The following UACA variants were observed in gnomAD, a reference collection of about 807,000 sequenced individuals.
UACA encodes nuclear membrane binding protein.
Under a neutral mutation model 160.5 loss-of-function variants are expected in UACA, and 112 were observed. The ratio of observed to expected loss-of-function variants is 0.70; its 90% CI spans 0.60 to 0.82. The LOEUF (loss-of-function observed/expected upper bound fraction) is 0.82, where lower values mean the gene tolerates loss of function less well. Among genes scored for constraint, UACA ranks in the 40% least tolerant of loss-of-function variants. The probability of loss-of-function intolerance (pLI) is 0.00; values close to 1 mark genes in which losing one functional copy is unlikely to be tolerated. For missense variants in UACA, 1,574 were observed against 1,614.6 expected (o/e 0.97, Z 0.43); for synonymous variants, 557 against 568.4 (o/e 0.98, Z 0.29).
At chr15:70,766,780 T>G (rs34212834), upstream of UACA, among the ~76,000 whole-genome samples, 3 of 152,178 alleles carry the variant, frequency 2.0e-5, no homozygotes, top group African/African-American at 7.2e-5. Flanking sequence ...TGAGTATCCA[T>G]TCAATGAATA....
chr15:70,680,546 C>G (rs1442270409), intron 9 of UACA, among the ~76,000 whole-genome samples: 3 of 152,106 alleles, frequency 2.0e-5, no homozygotes, highest in Non-Finnish European at 4.4e-5. Flanking sequence ...TATTCTATAT[C>G]CACAATTTGG....
At chr15:70,724,856 T>TC (rs1288531264) in intron 1 of UACA, among the ~76,000 whole-genome samples, 1 of 151,878 alleles carries the variant, frequency 6.6e-6, no homozygotes, top group Non-Finnish European at 1.5e-5. Context: ...GTTACAAAGT[T>TC]TGCAATACTC....
rs868344716 is a variant in UACA at position 70,660,204 on chromosome 15, G to C, written c.4126C>G (p.Gln1376Glu). 1 of 1,613,418 alleles carries C rather than the reference G, an allele frequency of 6.2e-7. No individual in the cohort carries two copies. The highest frequency in any genetic ancestry group is 8.5e-7 in the Non-Finnish European group (1 of 1,179,552). ...LEQQLADADRQHQEVIAIYRT... is the reference protein window; with the variant it reads ...LEQQLADADREHQEVIAIYRT... ...TAAATTGCAATTACTTCTTGGTGCT[G>C]TCTGTCAGCATCCTAGAAATGTGGA... The change falls in exon 18 of 19, where the codon CAG (glutamine) becomes GAG (glutamate). Residue 1376 changes from glutamine (Q) to glutamate (E), a missense_variant. Coordinates refer to ENST00000322954, the MANE Select transcript of UACA (RefSeq NM_018003.4).
chr15:70,663,969 T>C (rs62016908), intron 17 of UACA, among the ~76,000 whole-genome samples: 19,821 of 152,098 alleles, frequency 0.13, 1,520 homozygotes, highest in African/African-American at 0.21. Context: ...TGTATACATA[T>C]GTAACAAACC....
chr15:70,692,456 C>A (rs1595892250), intron 3 of UACA, among the ~76,000 whole-genome samples: 1 of 152,174 alleles, frequency 6.6e-6, no homozygotes. Flanking sequence ...AGACATCACA[C>A]CTGGCCACAA....
intron 12 of UACA, 95 bp from the exon 13 acceptor site, chr15:70,676,686 GGACTGGAGT>G (rs1415689080): frequency 1.0e-6 from 1 of 964,150 alleles, no homozygotes. Context: ...ATTGCATTGA[GGACTGGAGT>G]TAATGAATTC....
At chr15:70,760,574 C>T (rs889500711) in intron 1 of UACA, among the ~76,000 whole-genome samples, 6 of 151,858 alleles carry the variant, frequency 4.0e-5, no homozygotes, top group African/African-American at 7.3e-5. Context: ...TTTGGGAGGC[C>T]GAGGCGGGTG....
intron 1 of UACA, among the ~76,000 whole-genome samples, chr15:70,719,673 T>C (rs1246779767): frequency 6.6e-6 from 1 of 152,170 alleles, no homozygotes; most frequent in Non-Finnish European, 1.5e-5. Flanking sequence ...GAGAAAGGTG[T>C]TCAACCCTTA....
chr15:70,665,250 T>C (rs990761904), intron 16 of UACA, among the ~76,000 whole-genome samples: 9 of 151,942 alleles, frequency 5.9e-5, no homozygotes, highest in African/African-American at 1.2e-4. Flanking sequence ...CTTTCAAGAG[T>C]TGTATTATTT....
chr15:70,763,942 C>G (rs1178892353), upstream of UACA, among the ~76,000 whole-genome samples: 1 of 152,224 alleles, frequency 6.6e-6, no homozygotes, highest in African/African-American at 2.4e-5. Flanking sequence ...AGAAATGACT[C>G]TTGGTTACCT....
At position 70,669,033 on chromosome 15, in the gene UACA, C is replaced by T. The variant is rs375230873; in HGVS notation, c.1651G>A (p.Val551Ile). 1.2e-6 allele frequency: 2 copies of T among 1,613,840 alleles called. No individual in the cohort carries two copies. The highest frequency in any genetic ancestry group is 2.7e-5 in the African/African-American group (2 of 74,916). ...TCTGCTGAAGCACCTTCATATTTTA[C>T]TTTCAAGTCTTTCAACTGATCCTTC... ...ELKDQLKDLK[V>I]KYEGASAEVG... Residue 551 changes from valine (V) to isoleucine (I), a missense_variant, in exon 16 of 19, where the codon GTA becomes ATA. Val to Ile is a conservative substitution (Grantham distance 29, BLOSUM62 3). Transcript: ENST00000322954.
At chr15:70,658,478 C>T (rs1198781186) in intron 18 of UACA, among the ~76,000 whole-genome samples, 2 of 152,170 alleles carry the variant, frequency 1.3e-5, no homozygotes, top group East Asian at 3.8e-4. Context: ...TACACTCTGG[C>T]TAACACGATA....
chr15:70,726,263 A>G (rs1199831689), intron 1 of UACA, among the ~76,000 whole-genome samples: 1 of 152,180 alleles, frequency 6.6e-6, no homozygotes, highest in African/African-American at 2.4e-5. Context: ...TTAAATAAGC[A>G]TAAGGTAAAT....
intron 1 of UACA, among the ~76,000 whole-genome samples, chr15:70,757,171 T>C (rs2141016935): frequency 6.6e-6 from 1 of 152,328 alleles, no homozygotes; most frequent in South Asian, 2.1e-4. Context: ...CATTTTTCCA[T>C]AGATTTCCAC....
rs757072272 is a variant in UACA at position 70,669,336 on chromosome 15, G to T, written c.1348C>A (p.Arg450=). 3.1e-6 allele frequency: 5 copies of T among 1,613,950 alleles called. No individual in the cohort carries two copies. Among genetic ancestry groups the T allele is most frequent in the Admixed American group, 1.7e-5 (1 of 59,996 alleles). ...EILKKELEAM[R]TFCESAKQDR... ...TGTTTTGCTGACTCACAGAAAGTTC[G>T]CATTGCTTCTAACTCTTTCTTTAAA... Residue 450 remains arginine (R), a synonymous_variant, in exon 16 of 19, where the codon CGA becomes AGA. Coordinates refer to ENST00000322954, the MANE Select transcript of UACA (RefSeq NM_018003.4).
At chr15:70,774,338 C>T in the UACA span, among the ~76,000 whole-genome samples, 2 of 151,768 alleles carry the variant, frequency 1.3e-5, no homozygotes, top group Non-Finnish European at 2.9e-5. Context: ...CGAGGTCAGG[C>T]GATCGAGACC....
At chr15:70,736,205 A>C (rs1473791065) in intron 1 of UACA, among the ~76,000 whole-genome samples, 2 of 152,216 alleles carry the variant, frequency 1.3e-5, no homozygotes, top group Non-Finnish European at 2.9e-5. Context: ...ACTTAAAAAC[A>C]AGTTTGAATG....
intron 1 of UACA, among the ~76,000 whole-genome samples, chr15:70,708,039 T>A (rs952018875): frequency 2.0e-5 from 3 of 152,174 alleles, no homozygotes; most frequent in Admixed American, 2.0e-4. Context: ...CATTGATGGC[T>A]GAATGGATAA....
At chr15:70,689,759 T>C (rs753011682) in intron 5 of UACA, among the ~76,000 whole-genome samples, 1 of 152,082 alleles carries the variant, frequency 6.6e-6, no homozygotes, top group Non-Finnish European at 1.5e-5. Context: ...TACCTAAATA[T>C]ATAACTTTTT....
Sources: allele counts gnomAD v4.1 joint callset (sites outside exome capture counted in the v4.1 genomes callset), GRCh38; gene constraint gnomAD v4.1.1; transcripts MANE v1.5; gene names NCBI Gene and HGNC (gene_info 2026-07-23, HGNC 2026-07-21).